The following MGMT variants were observed in gnomAD, a reference collection of about 807,000 sequenced individuals.
MGMT encodes the protein O-6-methylguanine-DNA methyltransferase.
MGMT carries 14 observed loss-of-function variants against 15.9 expected under a neutral mutation model. The ratio of observed to expected loss-of-function variants is 0.88; its 90% confidence interval spans 0.58 to 1.37. The LOEUF is 1.37. MGMT is among the 40% of genes most tolerant of loss of function. The pLI is 0.00. For synonymous variants in MGMT, 130 were observed against 118.2 expected (o/e 1.10, Z -0.65); for missense variants, 282 against 268.1 (o/e 1.05, Z -0.36).
chr10:129,625,830 A>T (rs758260169), intron 2 of MGMT, among the ~76,000 whole-genome samples: 1 of 152,202 alleles, frequency 6.6e-6, no homozygotes, highest in Non-Finnish European at 1.5e-5. Flanking sequence ...GCTTGTTTTC[A>T]GGAGTTTTCA....
intron 2 of MGMT, among the ~76,000 whole-genome samples, chr10:129,544,553 C>A (rs558610433): frequency 6.6e-5 from 10 of 152,198 alleles, no homozygotes; most frequent in African/African-American, 2.4e-4. Context: ...TGTCCTTTCT[C>A]GATGGCCCTG....
intron 1 of MGMT, among the ~76,000 whole-genome samples, chr10:129,493,171 G>T (rs1238874692): frequency 6.6e-6 from 1 of 152,130 alleles, no homozygotes. Context: ...AATTAGGGAT[G>T]CTTTTCCCTA....
chr10:129,470,586 G>A lies in MGMT; in HGVS notation c.-13+3290G>A, dbSNP rs543824121. On this transcript the variant is annotated intron_variant, in intron 1 of 4. Transcript: ENST00000651593. The stretch of plus-strand genomic sequence containing the variant: ...TGGCTTTGGCAGGTGTGGATCACCC[G>A]GAAAGGAATCAAACACTGAGTCCTG... Among the ~76,000 whole-genome samples, 15 of 152,034 alleles carry A rather than the reference G, an allele frequency of 9.9e-5. No homozygotes were observed. In the South Asian group the frequency reaches 2.9e-3, roughly 29 times the overall value.
In MGMT at chr10:129,518,337, T is replaced by TACACACACACAC. The variant is rs61316662; in HGVS notation, c.-12-17878_-12-17867dup. Among the ~76,000 whole-genome samples, 895 of 119,626 alleles carry TACACACACACAC rather than the reference T, an allele frequency of 7.5e-3. 8 individuals are homozygous for TACACACACACAC. Among genetic ancestry groups the TACACACACACAC allele is most frequent in the East Asian group, 0.03 (90 of 3,008 alleles). The allele number at this position is 119,626 out of a possible 152,430, so 78.5% of individuals were successfully genotyped here. ...TGATGTGTGTACAGATACACACACA[T>TACACACACACAC]ACACACACACACACACACACACACA... On this transcript the variant is annotated intron_variant, in intron 1 of 4. Transcript: ENST00000651593.
At chr10:129,619,459 T>G (rs1391805723) in intron 2 of MGMT, among the ~76,000 whole-genome samples, 1 of 152,226 alleles carries the variant, frequency 6.6e-6, no homozygotes, top group African/African-American at 2.4e-5. Flanking sequence ...GTCTGCAGTT[T>G]TCACATTTTG....
At chr10:129,746,255 A>C (rs1336924654) in intron 3 of MGMT, among the ~76,000 whole-genome samples, 11 of 140,808 alleles carry the variant, frequency 7.8e-5, no homozygotes, top group African/African-American at 2.0e-4. Context: ...AAAAAAAAAA[A>C]CAAACAAAAA....
intron 1 of MGMT, among the ~76,000 whole-genome samples, chr10:129,477,307 C>G (rs1218355155): frequency 6.6e-6 from 1 of 152,152 alleles, no homozygotes; most frequent in South Asian, 2.1e-4. Context: ...GTTTCCATCT[C>G]TTGATGGTGG....
rs78788277 is a variant in MGMT at position 129,592,343 on chromosome 10, A to G, written c.125+55966A>G. On this transcript the variant is annotated intron_variant, in intron 2 of 4. Coordinates refer to ENST00000651593, the MANE Select transcript of MGMT (RefSeq NM_002412.5). Reference sequence around the variant, plus strand: ...CTGCCGTGAGCTTAACAGCATTTCAATGTTTAAACAACGTTTTGCTGATAC... The same window carrying G: ...CTGCCGTGAGCTTAACAGCATTTCAGTGTTTAAACAACGTTTTGCTGATAC... Among the ~76,000 whole-genome samples the G allele has an allele frequency of 5.7e-3, 873 of 152,356 alleles. 5 individuals carry two copies. Among genetic ancestry groups the G allele is most frequent in the Non-Finnish European group, 8.6e-3 (585 of 68,032 alleles).
chr10:129,629,042 G>A (rs975321518), intron 2 of MGMT, among the ~76,000 whole-genome samples: 5 of 152,334 alleles, frequency 3.3e-5, no homozygotes, highest in South Asian at 2.1e-4. Flanking sequence ...CACAGCACAC[G>A]TCAGCCTTGC....
intron 2 of MGMT, among the ~76,000 whole-genome samples, chr10:129,600,515 G>A (rs1333981268): frequency 2.0e-5 from 3 of 152,246 alleles, no homozygotes; most frequent in Non-Finnish European, 4.4e-5. Context: ...GGGCAGACAT[G>A]CCGACTGTGG....
rs557616595 is a variant in MGMT at position 129,770,116 on chromosome 10, G to A, written c.*3119G>A. On this transcript the variant is annotated 3_prime_UTR_variant, in exon 5 of 5. Transcript: ENST00000651593. ...GACTTAAGCTTCTCTGGTGCGTCGC[G>A]CCCCACGTGCTTCTCCAGAATCCCG... 3.9e-5 allele frequency among the ~76,000 whole-genome samples: 6 copies of A among 152,236 alleles called. 1 individual carries two copies. Among genetic ancestry groups the A allele is most frequent in the African/African-American group, 1.2e-4 (5 of 41,546 alleles).
intron 1 of MGMT, among the ~76,000 whole-genome samples, chr10:129,498,300 A>G (rs1845543083): frequency 6.6e-6 from 1 of 152,166 alleles, no homozygotes; most frequent in Non-Finnish European, 1.5e-5. Flanking sequence ...CCCATTGGTA[A>G]TTAATACCTT....
chr10:129,503,754 C>A (rs1194495354), intron 1 of MGMT, among the ~76,000 whole-genome samples: 1 of 152,194 alleles, frequency 6.6e-6, no homozygotes, highest in Non-Finnish European at 1.5e-5. Flanking sequence ...CAGGTAGAAG[C>A]AGACTTGGAA....
chr10:129,564,616 C>T (rs1846328671), intron 2 of MGMT, among the ~76,000 whole-genome samples: 1 of 81,298 alleles, frequency 1.2e-5, no homozygotes, highest in African/African-American at 4.2e-5. Flanking sequence ...TCCCCCTCCT[C>T]CTCCTCCCCT....
At chr10:129,484,615 C>G (rs943372246) in intron 1 of MGMT, among the ~76,000 whole-genome samples, 11 of 152,126 alleles carry the variant, frequency 7.2e-5, no homozygotes, top group Admixed American at 6.5e-4. Flanking sequence ...TGATTTTTCT[C>G]CTGATTGTGG....
At chr10:129,756,591 T>G (rs1476623275) in intron 3 of MGMT, among the ~76,000 whole-genome samples, 1 of 152,136 alleles carries the variant, frequency 6.6e-6, no homozygotes, top group Non-Finnish European at 1.5e-5. Flanking sequence ...TGCCTCACCC[T>G]CCCGAGTAGC....
chr10:129,723,283 TCCC>T (rs1303685151), intron 3 of MGMT, among the ~76,000 whole-genome samples: 1 of 152,026 alleles, frequency 6.6e-6, no homozygotes, highest in East Asian at 1.9e-4. Context: ...TCCCAACCAT[TCCC>T]CCTGAGTCCC....
At chr10:129,521,615 C>T (rs1355426388) in intron 1 of MGMT, among the ~76,000 whole-genome samples, 1 of 152,204 alleles carries the variant, frequency 6.6e-6, no homozygotes, top group African/African-American at 2.4e-5. Flanking sequence ...TCTCCCAGGC[C>T]CCCAGGGAGG....
At chr10:129,699,953 TA>T (rs1229067501) in intron 2 of MGMT, among the ~76,000 whole-genome samples, 2 of 150,694 alleles carry the variant, frequency 1.3e-5, no homozygotes, top group Non-Finnish European at 3.0e-5. Flanking sequence ...CAGAAAGTTT[TA>T]AAAAAAAAAT....
Sources: allele counts gnomAD v4.1 joint callset (sites outside exome capture counted in the v4.1 genomes callset), GRCh38; gene constraint gnomAD v4.1.1; transcripts MANE v1.5; gene names NCBI Gene and HGNC (gene_info 2026-07-23, HGNC 2026-07-21).